ERBB4: variants seen among roughly 807,000 people sequenced by gnomAD.
ERBB4 encodes erb-b2 receptor tyrosine kinase 4.
In ERBB4, 42 loss-of-function variants were observed where a neutral mutation model predicts 158.0. That is an observed-to-expected ratio of 0.27 (90% confidence interval 0.21 to 0.34). The LOEUF is 0.34. ERBB4 is among the 10% of genes least tolerant of loss of function. The probability of loss-of-function intolerance (pLI) is 1.00; values close to 1 mark genes in which losing one functional copy is unlikely to be tolerated. For synonymous variants in ERBB4, 583 were observed against 558.7 expected (o/e 1.04, Z -0.61); for missense variants, 1,333 against 1,624.1 (o/e 0.82, Z 3.08).
At chr2:211,965,340 A>G (rs2081284536) in intron 2 of ERBB4, among the ~76,000 whole-genome samples, 1 of 152,222 alleles carries the variant, frequency 6.6e-6, no homozygotes, top group South Asian at 2.1e-4. Flanking sequence ...ATCACTGACA[A>G]TAATTTTAAT....
At chr2:212,327,551 AT>A (rs1400835606) in intron 1 of ERBB4, among the ~76,000 whole-genome samples, 1 of 151,934 alleles carries the variant, frequency 6.6e-6, no homozygotes, top group Non-Finnish European at 1.5e-5. Flanking sequence ...CTGGTCTTGA[AT>A]TCCCTATGAT....
At chr2:212,297,927 A>G (rs1392672262) in intron 1 of ERBB4, among the ~76,000 whole-genome samples, 2 of 151,734 alleles carry the variant, frequency 1.3e-5, no homozygotes, top group African/African-American at 4.8e-5. Flanking sequence ...GAAATAAAGT[A>G]AGTTCAATAT....
At chr2:212,055,155 G>A (rs957682038) in intron 2 of ERBB4, among the ~76,000 whole-genome samples, 3 of 152,108 alleles carry the variant, frequency 2.0e-5, no homozygotes, top group Admixed American at 1.3e-4. Context: ...GTTATACTCC[G>A]CACCTGGCTC....
intron 2 of ERBB4, among the ~76,000 whole-genome samples, chr2:212,098,765 T>C (rs2079000289): frequency 1.3e-5 from 2 of 152,178 alleles, no homozygotes; most frequent in African/African-American, 4.8e-5. Flanking sequence ...TTAAAGTTTG[T>C]ATAAGAAAAT....
chr2:211,795,639 A>C (rs1265806669), intron 3 of ERBB4, among the ~76,000 whole-genome samples: 2 of 151,912 alleles, frequency 1.3e-5, no homozygotes, highest in African/African-American at 4.8e-5. Flanking sequence ...TCAATACAAG[A>C]GGAGTTTCCA....
Position 211,646,936 on chromosome 2 carries a change from C to T in ERBB4, c.1946+10818G>A, listed in dbSNP as rs372340362. Among the ~76,000 whole-genome samples the T allele has an allele frequency of 1.5e-4, 23 of 151,642 alleles. No individual in the cohort carries two copies. The East Asian group carries it at 2.1e-3, about 14-fold the overall frequency. ...AGAATATTTTAAATGCAAAAATTAG[C>T]CCAGTTTATATTTGGATTTAATATT... On this transcript the variant is annotated intron_variant, in intron 16 of 27. Transcript: ENST00000342788.
intron 2 of ERBB4, among the ~76,000 whole-genome samples, chr2:212,001,973 T>C (rs112275516): frequency 6.6e-6 from 1 of 152,170 alleles, no homozygotes; most frequent in African/African-American, 2.4e-5. Flanking sequence ...TTGAGAATTT[T>C]CCACTTATAA....
At chr2:211,832,320 CTT>C (rs2077240095) in intron 3 of ERBB4, among the ~76,000 whole-genome samples, 1 of 152,038 alleles carries the variant, frequency 6.6e-6, no homozygotes, top group African/African-American at 2.4e-5. Flanking sequence ...TTTTTTATAT[CTT>C]ACAAATTAAT....
chr2:211,876,872 T>C (rs1388443424), intron 3 of ERBB4, among the ~76,000 whole-genome samples: 1 of 152,238 alleles, frequency 6.6e-6, no homozygotes, highest in Non-Finnish European at 1.5e-5. Context: ...TTTAAAAACC[T>C]AAATATTAAA....
intron 1 of ERBB4, among the ~76,000 whole-genome samples, chr2:212,421,663 G>A (rs1352148179): frequency 6.6e-6 from 1 of 152,116 alleles, no homozygotes; most frequent in Non-Finnish European, 1.5e-5. Flanking sequence ...CCACTAAGTG[G>A]AAGAAGATGG....
chr2:212,483,071 C>T (rs1689788672), intron 1 of ERBB4, among the ~76,000 whole-genome samples: 1 of 152,126 alleles, frequency 6.6e-6, no homozygotes, highest in South Asian at 2.1e-4. Context: ...CCAGAGAGGC[C>T]AATCATTTCC....
intron 1 of ERBB4, among the ~76,000 whole-genome samples, chr2:212,480,936 A>T (rs755580915): frequency 2.6e-5 from 4 of 152,166 alleles, no homozygotes; most frequent in Non-Finnish European, 5.9e-5. Flanking sequence ...ACATAAACAT[A>T]ATTGCCCTCT....
At chr2:212,210,146 G>C (rs1277188085) in intron 1 of ERBB4, among the ~76,000 whole-genome samples, 1 of 149,746 alleles carries the variant, frequency 6.7e-6, no homozygotes, top group Non-Finnish European at 1.5e-5. Context: ...ATAAAGTGAT[G>C]AGAGATAAAA....
At chr2:211,709,249 A>ATGTG (rs1385657766) in intron 9 of ERBB4, among the ~76,000 whole-genome samples, 22 of 84,262 alleles carry the variant, frequency 2.6e-4, no homozygotes, top group African/African-American at 1.2e-3. Context: ...ATATATATAT[A>ATGTG]TACACATATA....
At chr2:211,449,946 A>G (rs2064203625) in intron 20 of ERBB4, among the ~76,000 whole-genome samples, 1 of 152,222 alleles carries the variant, frequency 6.6e-6, no homozygotes, top group African/African-American at 2.4e-5. Flanking sequence ...ACACTCATCT[A>G]GCGCTTGCTA....
intron 2 of ERBB4, among the ~76,000 whole-genome samples, chr2:212,123,640 G>A (rs898260618): frequency 2.6e-5 from 4 of 152,194 alleles, no homozygotes; most frequent in Non-Finnish European, 5.9e-5. Context: ...TATGAGAGTC[G>A]TTTTAAAAAT....
At chr2:211,866,306 C>T (rs1429851640) in intron 3 of ERBB4, among the ~76,000 whole-genome samples, 1 of 152,132 alleles carries the variant, frequency 6.6e-6, no homozygotes, top group East Asian at 1.9e-4. Flanking sequence ...CTGGGTTCCA[C>T]TCTGAACTTA....
intron 3 of ERBB4, among the ~76,000 whole-genome samples, chr2:211,805,448 T>C (rs1166138574): frequency 6.6e-6 from 1 of 151,960 alleles, no homozygotes; most frequent in African/African-American, 2.4e-5. Context: ...AACACAAGAG[T>C]ATGAGCATAG....
intron 2 of ERBB4, among the ~76,000 whole-genome samples, chr2:212,099,736 G>GTTTTT (rs3037296): frequency 6.9e-6 from 1 of 144,594 alleles, no homozygotes; most frequent in Non-Finnish European, 1.5e-5. Flanking sequence ...TTGTTTTACA[G>GTTTTT]TTTTTTTTTT....
Sources: allele counts gnomAD v4.1 joint callset (sites outside exome capture counted in the v4.1 genomes callset), GRCh38; gene constraint gnomAD v4.1.1; transcripts MANE v1.5; gene names NCBI Gene and HGNC (gene_info 2026-07-23, HGNC 2026-07-21).